Variants in PLEKHA7 observed in about 807,000 individuals in gnomAD.
The protein encoded by PLEKHA7 is pleckstrin homology domain-containing family A member 7.
PLEKHA7 carries 104 observed loss-of-function variants against 170.0 expected under a neutral mutation model. The observed-to-expected ratio is 0.61, with a 90% confidence interval of 0.52 to 0.72. PLEKHA7 has a LOEUF of 0.72. Among genes scored for constraint, PLEKHA7 ranks in the 30% least tolerant of loss-of-function variants. PLEKHA7 has a pLI of 0.00. For synonymous variants in PLEKHA7, 648 were observed against 660.8 expected (o/e 0.98, Z 0.30); for missense variants, 1,615 against 1,671.7 (o/e 0.97, Z 0.59).
At chr11:16,960,645 A>G (rs1862000838) in intron 3 of PLEKHA7, among the ~76,000 whole-genome samples, 1 of 152,140 alleles carries the variant, frequency 6.6e-6, no homozygotes, top group African/African-American at 2.4e-5. Context: ...ACTGCAGGGC[A>G]AAGAGGAGAA....
rs772833672 is a variant in PLEKHA7 at position 16,817,313 on chromosome 11, C to G, written c.1353G>C (p.Leu451Phe). 1 of 1,607,330 alleles carries G rather than the reference C, an allele frequency of 6.2e-7. No homozygotes were observed. Among genetic ancestry groups the G allele is most frequent in the East Asian group, 2.2e-5 (1 of 44,848 alleles). ...AQKGDSRSLP[L>F]DQTLPRQGPG... Reference sequence around the variant, plus strand: ...GACCCTGGCGAGGAAGCGTCTGGTCCAAGGGAAGACTGAGGAGAAAGGGTA... The same window carrying G: ...GACCCTGGCGAGGAAGCGTCTGGTCGAAGGGAAGACTGAGGAGAAAGGGTA... Residue 451 changes from leucine (L) to phenylalanine (F), a missense_variant, in exon 11 of 27, where the codon TTG (leucine) becomes TTC (phenylalanine). Transcript: ENST00000531066. The surrounding 1 kb of genome is among the most constrained non-coding windows in gnomAD (Gnocchi z 4.4).
At chr11:16,956,311 G>A (rs1340218735) in intron 3 of PLEKHA7, among the ~76,000 whole-genome samples, 2 of 152,176 alleles carry the variant, frequency 1.3e-5, no homozygotes, top group African/African-American at 4.8e-5. Context: ...GTGCCACCAT[G>A]CCCAGCCACA....
intron 3 of PLEKHA7, among the ~76,000 whole-genome samples, chr11:16,885,155 A>T (rs542604817): frequency 6.6e-6 from 1 of 152,174 alleles, no homozygotes; most frequent in South Asian, 2.1e-4. Context: ...AGCCTGGCCA[A>T]CATAGTGAAA....
chr11:16,806,313 A>G (rs886985257), intron 13 of PLEKHA7, among the ~76,000 whole-genome samples: 5 of 152,138 alleles, frequency 3.3e-5, no homozygotes, highest in Non-Finnish European at 7.3e-5. Flanking sequence ...TATTATATCC[A>G]CGTGTAGCGT....
intron 9 of PLEKHA7, 49 bp from the exon 10 acceptor site, chr11:16,826,639 G>A (rs1463325589): frequency 2.7e-6 from 4 of 1,506,090 alleles, no homozygotes; most frequent in Non-Finnish European, 3.6e-6. Flanking sequence ...AAGACTCCAT[G>A]ATGAAATGCA....
chr11:16,907,140 C>T (rs1458572701), intron 3 of PLEKHA7, among the ~76,000 whole-genome samples: 1 of 102,070 alleles, frequency 9.8e-6, no homozygotes, highest in Non-Finnish European at 2.1e-5. Flanking sequence ...CCCGGCCAGC[C>T]GCCCCGTCCG....
chr11:16,889,420 A>AAAAAAAAAAAAAAAATAT (rs61086849), intron 3 of PLEKHA7, among the ~76,000 whole-genome samples: 1 of 74,686 alleles, frequency 1.3e-5, no homozygotes, highest in Non-Finnish European at 2.4e-5. Flanking sequence ...AAAAAAAAAA[A>AAAAAAAAAAAAAAAATAT]ATATATATAT....
rs187411856 is a variant in PLEKHA7 at position 16,863,515 on chromosome 11, C to T, written c.305+7584G>A. Among the ~76,000 whole-genome samples, 34 of 152,232 alleles carry T rather than the reference C, an allele frequency of 2.2e-4. No individual in the cohort carries two copies. In the East Asian group the frequency reaches 5.8e-3, roughly 26 times the overall value. The stretch of plus-strand genomic sequence containing the variant: ...CAAGCGGGCCCCTGAACTTCCTAAG[C>T]GCATACTGTCTTCTCTCAACCTTAG... On this transcript the variant is annotated intron_variant, in intron 4 of 26. Transcript: ENST00000531066.
intron 9 of PLEKHA7, among the ~76,000 whole-genome samples, chr11:16,832,661 C>T (rs1161422923): frequency 6.6e-6 from 1 of 152,158 alleles, no homozygotes; most frequent in Non-Finnish European, 1.5e-5. Flanking sequence ...GGAATGACAG[C>T]TTGTAGGGGC....
In PLEKHA7 at chr11:16,791,867, G is replaced by A. The variant is rs1295480675; in HGVS notation, c.2746-668C>T. 1 of 362,454 alleles carries A rather than the reference G, an allele frequency of 2.8e-6. No homozygotes were observed. The highest frequency in any genetic ancestry group is 2.1e-5 in the African/African-American group (1 of 46,990). The allele number at this position is 362,454 out of a possible 1,614,324, so 22.5% of individuals were successfully genotyped here. ...TTCCTTGAAACTCCCTGTCCACAGTGTTCTGTGAGGGCTGTGGTTCCTCTA... is the reference window on the plus strand; with the variant it reads ...TTCCTTGAAACTCCCTGTCCACAGTATTCTGTGAGGGCTGTGGTTCCTCTA... On this transcript the variant is annotated intron_variant, in intron 19 of 26. Transcript: ENST00000531066. The surrounding 1 kb of genome is among the most constrained non-coding windows in gnomAD (Gnocchi z 4.5).
intron 8 of PLEKHA7, among the ~76,000 whole-genome samples, chr11:16,846,872 G>A (rs904152980): frequency 1.3e-5 from 2 of 152,124 alleles, no homozygotes; most frequent in African/African-American, 2.4e-5. Context: ...AGCAGAACTA[G>A]CTGATAAATC....
chr11:16,970,564 G>GGTT (rs756802004), intron 3 of PLEKHA7, among the ~76,000 whole-genome samples: 5 of 152,162 alleles, frequency 3.3e-5, no homozygotes, highest in Non-Finnish European at 7.3e-5. Context: ...ATACTACGGA[G>GGTT]GTTGAGGCAG....
At chr11:16,965,743 T>C (rs1862332993) in intron 3 of PLEKHA7, among the ~76,000 whole-genome samples, 1 of 152,222 alleles carries the variant, frequency 6.6e-6, no homozygotes, top group African/African-American at 2.4e-5. Flanking sequence ...AGGTCATTTC[T>C]TTTGGCCTCG....
intron 3 of PLEKHA7, among the ~76,000 whole-genome samples, chr11:16,989,627 C>T (rs1863918260): frequency 6.6e-6 from 1 of 152,220 alleles, no homozygotes; most frequent in Admixed American, 6.5e-5. Context: ...TATCCATCTC[C>T]CCACACTGGA....
chr11:16,843,021 T>C (rs1290915552), intron 8 of PLEKHA7, among the ~76,000 whole-genome samples: 1 of 152,254 alleles, frequency 6.6e-6, no homozygotes, highest in Non-Finnish European at 1.5e-5. Context: ...CTGCTTATCA[T>C]CTGTCTCCTT....
At chr11:16,857,254 T>A (rs1269206554) in intron 4 of PLEKHA7, among the ~76,000 whole-genome samples, 2 of 152,226 alleles carry the variant, frequency 1.3e-5, no homozygotes, top group Non-Finnish European at 2.9e-5. Flanking sequence ...GCAGGACCAC[T>A]GTAGTAGGCA....
intron 3 of PLEKHA7, among the ~76,000 whole-genome samples, chr11:17,002,877 T>C (rs1007247635): frequency 8.6e-5 from 13 of 151,824 alleles, no homozygotes; most frequent in Admixed American, 1.3e-4. Context: ...TGTCATCCAC[T>C]CCTTCCCCCC....
At chr11:16,816,330 C>G in intron 11 of PLEKHA7, 66 bp from the exon 12 acceptor site, 1 of 1,137,862 alleles carries the variant, frequency 8.8e-7, no homozygotes, top group South Asian at 1.3e-5. Context: ...CCAGGGAAGC[C>G]GCCCCATGCC....
At chr11:16,928,054 T>A (rs1424508533) in intron 3 of PLEKHA7, among the ~76,000 whole-genome samples, 1 of 152,214 alleles carries the variant, frequency 6.6e-6, no homozygotes, top group African/African-American at 2.4e-5. Flanking sequence ...ACTGGTTGAC[T>A]CAGAACCTAC....
Sources: allele counts gnomAD v4.1 joint callset (sites outside exome capture counted in the v4.1 genomes callset), GRCh38; gene constraint gnomAD v4.1.1; non-coding constraint Gnocchi (gnomAD v3.1); transcripts MANE v1.5; gene names NCBI Gene and HGNC (gene_info 2026-07-23, HGNC 2026-07-21).